The following POLG variants were observed in gnomAD, a reference collection of about 807,000 sequenced individuals.
POLG encodes the protein DNA polymerase subunit gamma-1.
Under a neutral mutation model 155.4 loss-of-function variants are expected in POLG, and 110 were observed. The ratio of observed to expected loss-of-function variants is 0.71; its 90% CI spans 0.61 to 0.83. The LOEUF is 0.83. POLG is among the 40% of genes least tolerant of loss of function. POLG has a pLI of 0.00. For synonymous variants in POLG, 701 were observed against 631.5 expected (o/e 1.11, Z -1.65); for missense variants, 1,685 against 1,627.5 (o/e 1.04, Z -0.61).
In POLG at chr15:89,322,812, C is replaced by T. The variant is rs1405716972; in HGVS notation, c.2356G>A (p.Ala786Thr). The T allele has an allele frequency of 1.2e-6, 2 of 1,614,148 alleles. No homozygotes were observed. The highest frequency in any genetic ancestry group is 1.3e-5 in the African/African-American group (1 of 75,072). The change falls in exon 14 of 23, where the codon GCC becomes ACC. Residue 786 changes from alanine (A) to threonine (T), a missense_variant. Ala to Thr is a moderately conservative substitution (Grantham distance 58, BLOSUM62 0). This residue lies in a region of POLG where 1,210 missense variants were observed against 1,167.1 expected (regional missense o/e 1.04). Transcript: ENST00000268124. ...ATTTCCAGAGCACGGGGCCCACTGGCACCTCCTGGGCCAGCCTGCAGGGTG... is the reference window on the plus strand; with the variant it reads ...ATTTCCAGAGCACGGGGCCCACTGGTACCTCCTGGGCCAGCCTGCAGGGTG... ...DGTLQAGPGG[A>T]SGPRALEINK...
chr15:89,332,613 C>CGGGGGCAGGGGGGCGG (rs2055608616), intron 2 of POLG, among the ~76,000 whole-genome samples: 1 of 60,434 alleles, frequency 1.7e-5, no homozygotes, highest in Non-Finnish European at 2.9e-5. Context: ...GGCAGGGGGG[C>CGGGGGCAGGGGGGCGG]GGGGGGGTGT....
Position 89,328,998 on chromosome 15 carries a change from T to A in POLG, c.968A>T (p.Gln323Leu). 6.2e-7 allele frequency: 1 copy of A among 1,613,670 alleles called. No homozygotes were observed. Among genetic ancestry groups the A allele is most frequent in the Non-Finnish European group, 8.5e-7 (1 of 1,180,038 alleles). ...IAAKQGKHKV[Q>L]PPTKQGQKSQ... is the part of the protein sequence containing the mutation. ...CTTCTGGCCTTGCTTTGTGGGGGGC[T>A]GGACCTTGTGTTTGCCCTGCTTGGC... The change falls in exon 4 of 23, where the codon CAG becomes CTG. Residue 323 changes from glutamine to leucine, a missense_variant. Around this residue, in one of 3 missense-constraint regions of POLG, gnomAD observed 1,210 missense variants for 1,167.1 expected, o/e 1.04. Coordinates refer to ENST00000268124, the MANE Select transcript of POLG (RefSeq NM_002693.3).
rs2055360419 is a variant in POLG at position 89,319,355 on chromosome 15, G to A, written c.2982-5C>T. Reference sequence around the variant, plus strand: ...CCCTCATCCGACAGCCGATACCTGGGGGCAGTGTTATCACCATCATTCCAC... The same window carrying A: ...CCCTCATCCGACAGCCGATACCTGGAGGCAGTGTTATCACCATCATTCCAC... On this transcript the variant is annotated splice_polypyrimidine_tract_variant and splice_region_variant and intron_variant, in intron 18 of 22. Transcript: ENST00000268124. The A allele has an allele frequency of 1.2e-6, 2 of 1,613,706 alleles. No homozygotes were observed. The highest frequency in any genetic ancestry group is 1.7e-5 in the Admixed American group (1 of 60,022).
Position 89,326,597 on chromosome 15 carries a change from G to T in POLG, c.1712+15C>A. ...GTAGACTCTAGATACACTGCTGGGG[G>T]TGGGCAGGGCTCACCCAGGGTGTCC... is the stretch of plus-strand genomic sequence containing the variant. On this transcript the variant is annotated intron_variant, in intron 9 of 22. Transcript: ENST00000268124. The T allele has an allele frequency of 1.2e-6, 2 of 1,612,838 alleles. No individual in the cohort carries two copies. Among genetic ancestry groups the T allele is most frequent in the South Asian group, 1.1e-5 (1 of 91,076 alleles).
intron 10 of POLG, among the ~76,000 whole-genome samples, chr15:89,325,189 A>T (rs2055484287): frequency 1.0e-5 from 1 of 96,550 alleles, no homozygotes; most frequent in Admixed American, 9.9e-5. Context: ...AGAGTGAGTG[A>T]GTGAGAGAGT....
Position 89,321,208 on chromosome 15 carries a change from T to C in POLG, c.2651A>G (p.Tyr884Cys), listed in dbSNP as rs1057519140. The change falls in exon 17 of 23, where the codon TAC becomes TGC. Residue 884 changes from tyrosine to cysteine, a missense_variant. Physicochemically the swap from Tyr to Cys is radical, Grantham distance 194. Transcript: ENST00000268124. ...LKAMVQAPPGYTLVGADVDSQ... is the reference protein window; with the variant it reads ...LKAMVQAPPGCTLVGADVDSQ... ...GTCCACATCAGCACCCACAAGGGTG[T>C]AGCCAGGTGGGGCCTGCACCATGGC... 2 of 1,614,074 alleles carry C rather than the reference T, an allele frequency of 1.2e-6. No individual in the cohort carries two copies. Among genetic ancestry groups the C allele is most frequent in the Middle Eastern group, 1.6e-4 (1 of 6,062 alleles).
At position 89,324,392 on chromosome 15, in the gene POLG, CA is replaced by C. The variant is rs3176193; in HGVS notation, c.1950-166del. The C allele has an allele frequency of 0.023, 18,478 of 804,452 alleles. 2,011 individuals carry two copies. The African/African-American group carries it at 0.26, about 11-fold the overall frequency. The allele number at this position is 804,452 out of a possible 1,614,324, so 49.8% of individuals were successfully genotyped here. A position where few individuals can be genotyped will look rare whatever the true frequency, so the allele number is the denominator to read the frequency against. On this transcript the variant is annotated intron_variant, in intron 10 of 22. Transcript: ENST00000268124. ...CGGGTTTTAGACAGGGATTGATTGA[CA>C]AACTGAAAATGACAGCACCCTGGCA...
At position 89,330,201 on chromosome 15, in the gene POLG, G is replaced by A. The variant is rs778281076; in HGVS notation, c.735C>T (p.Ile245=). The part of the protein sequence containing the change: ...WTSQLSPADL[I]PLEVPTGASS... ...TGGCACCAGTAGGGACCTCCAGGGG[G>A]ATGAGGTCAGCCGGCGACAGCTGGC... The change falls in exon 3 of 23, where the codon ATC becomes ATT. Residue 245 remains isoleucine, a synonymous_variant. Transcript: ENST00000268124. 1 of 1,613,120 alleles carries A rather than the reference G, an allele frequency of 6.2e-7. No homozygotes were observed. Among genetic ancestry groups the A allele is most frequent in the East Asian group, 2.2e-5 (1 of 44,890 alleles).
In POLG at chr15:89,323,415, G is replaced by A. The variant is rs41564016; in HGVS notation, c.2254C>T (p.Leu752=). The part of the protein sequence containing the change: ...VDIPGCWFFK[L]PHKDGNSCNV... ...GACCCAGGACACACCTTGTGAGGCAGCTTGAAAAACCAGCAGCCAGGGATG... is the reference window on the plus strand; with the variant it reads ...GACCCAGGACACACCTTGTGAGGCAACTTGAAAAACCAGCAGCCAGGGATG... The change falls in exon 13 of 23, where the codon CTG becomes TTG. Residue 752 remains leucine (L), a synonymous_variant. Transcript: ENST00000268124. 18,113 of 1,610,096 alleles carry A rather than the reference G, an allele frequency of 0.011. 183 individuals carry two copies. The highest frequency in any genetic ancestry group is 0.011 in the Non-Finnish European group (12,897 of 1,176,310).
intron 1 of POLG, 68 bp from the exon 2 acceptor site, chr15:89,333,981 T>C (rs1043152671): frequency 5.1e-6 from 3 of 591,404 alleles, no homozygotes; most frequent in African/African-American, 1.9e-5. Flanking sequence ...ATAATCATCA[T>C]TCCTTGAGCA....
intron 6 of POLG, 142 bp downstream of exon 6, chr15:89,328,314 C>A: frequency 2.8e-6 from 2 of 721,130 alleles, no homozygotes; most frequent in Non-Finnish European, 5.0e-6. Context: ...ATGGACACCA[C>A]TGAACAGAAG....
rs1178116740 is a variant in POLG, at chr15:89,333,830, G to A, written c.-76C>T. 4.7e-6 allele frequency: 7 copies of A among 1,502,690 alleles called. No individual in the cohort carries two copies. The East Asian group carries it at 7.4e-5, about 16-fold the overall frequency. The allele number at this position is 1,502,690 out of a possible 1,614,324, so 93.1% of individuals were successfully genotyped here. A position where few individuals can be genotyped will look rare whatever the true frequency, so the allele number is the denominator to read the frequency against. ...TCCAGCTTGGCTTCTTTTACTGGCT[G>A]GAAGACGTGGAGAGAGACACGTCCT... is the stretch of plus-strand genomic sequence containing the variant. On this transcript the variant is annotated 5_prime_UTR_variant, in exon 2 of 23. Coordinates refer to ENST00000268124, the MANE Select transcript of POLG (RefSeq NM_002693.3).
At chr15:89,334,495 GGA>G (rs1364199477) in intron 1 of POLG, 176 bp downstream of exon 1, 6 of 152,104 alleles carry the variant, frequency 3.9e-5, no homozygotes, top group Non-Finnish European at 8.8e-5. Flanking sequence ...GCGTCCTGCA[GGA>G]GGAGTCGGCG....
Position 89,325,101 on chromosome 15 carries a change from AGAGTGAGAGAGAGTGAGT to A in POLG, c.1949+331_1949+348del, listed in dbSNP as rs1567189308. The stretch of plus-strand genomic sequence containing the variant: ...GTGAGTGAGAGAGTGAGTGAGTGAG[AGAGTGAGAGAGAGTGAGT>A]GAGTGAGTGAGAGAGTGAGTGAGAG... On this transcript the variant is annotated intron_variant, in intron 10 of 22. Transcript: ENST00000268124. Among the ~76,000 whole-genome samples, 37 of 71,076 alleles carry A rather than the reference AGAGTGAGAGAGAGTGAGT, an allele frequency of 5.2e-4. 3 individuals carry two copies. Among genetic ancestry groups the A allele is most frequent in the African/African-American group, 4.1e-3 (32 of 7,718 alleles). The allele number at this position is 71,076 out of a possible 152,430, so 46.6% of individuals were successfully genotyped here. A position where few individuals can be genotyped will look rare whatever the true frequency, so the allele number is the denominator to read the frequency against.
chr15:89,326,103 G>A (rs1375549808), intron 9 of POLG, among the ~76,000 whole-genome samples: 1 of 152,184 alleles, frequency 6.6e-6, no homozygotes, highest in Admixed American at 6.5e-5. Context: ...GGTGAGACTA[G>A]CAAGGCACTC....
In POLG at chr15:89,319,436, T is replaced by TC. The variant is rs1011309342; in HGVS notation, c.2982-87dup. On this transcript the variant is annotated intron_variant, in intron 18 of 22. Coordinates refer to ENST00000268124, the MANE Select transcript of POLG (RefSeq NM_002693.3). ...TGGCAAGGAATGTTCACATATCACT[T>TC]CAACTTTTAAAAACACTGACATCAT... 2.6e-6 allele frequency: 4 copies of TC among 1,568,630 alleles called. No individual in the cohort carries two copies. In the African/African-American group the frequency reaches 5.4e-5, roughly 21 times the overall value.
At position 89,321,825 on chromosome 15, in the gene POLG, A is replaced by G. The variant is rs544828395; in HGVS notation, c.2509T>C (p.Tyr837His). Residue 837 changes from tyrosine to histidine, a missense_variant, in exon 16 of 23, where the codon TAT becomes CAT. Physicochemically the swap from Tyr to His is moderately conservative, Grantham distance 83. Around this residue, in one of 3 missense-constraint regions of POLG, gnomAD observed 1,210 missense variants for 1,167.1 expected, o/e 1.04. Coordinates refer to ENST00000268124, the MANE Select transcript of POLG (RefSeq NM_002693.3). ...RHPDYDEEGL[Y>H]GAILPQVVTA... is the part of the protein sequence containing the mutation. ...ACCACTTGGGGCAGGATGGCCCCATAGAGGCCTTCCTCATCATAGTCGGGG... is the reference window on the plus strand; with the variant it reads ...ACCACTTGGGGCAGGATGGCCCCATGGAGGCCTTCCTCATCATAGTCGGGG... 2.0e-5 allele frequency: 32 copies of G among 1,613,848 alleles called. No individual in the cohort carries two copies. In the South Asian group the frequency reaches 3.1e-4, roughly 16 times the overall value.
rs756952607 is a variant in POLG, at chr15:89,326,640, G to C, written c.1684C>G (p.Arg562Gly). The C allele has an allele frequency of 1.9e-6, 3 of 1,613,976 alleles. No homozygotes were observed. The highest frequency in any genetic ancestry group is 2.7e-5 in the African/African-American group (2 of 75,038). ...GGGTGTCCAGGAAGGTGCTGGGGCC[G>C]CTTGGGCAGGAGCTCTGTGGTCCCC... ...LKGTTELLPKRPQHLPGHPGW... is the reference protein window; with the variant it reads ...LKGTTELLPKGPQHLPGHPGW... The change falls in exon 9 of 23, where the codon CGG (arginine) becomes GGG (glycine). Residue 562 changes from arginine to glycine, a missense_variant. Arg to Gly is a moderately radical substitution (Grantham distance 125). Transcript: ENST00000268124.
chr15:89,334,003 C>G, intron 1 of POLG, 90 bp from the exon 2 acceptor site: 1 of 571,936 alleles, frequency 1.7e-6, no homozygotes, highest in South Asian at 2.1e-5. Context: ...TTACTGCGTC[C>G]CCAACACTGT....
Sources: allele counts gnomAD v4.1 joint callset (sites outside exome capture counted in the v4.1 genomes callset), GRCh38; gene constraint gnomAD v4.1.1; regional missense constraint gnomAD v4.1.1; transcripts MANE v1.5; gene names NCBI Gene and HGNC (gene_info 2026-07-23, HGNC 2026-07-21).